The following PAM variants were observed in gnomAD, a reference collection of about 807,000 sequenced individuals.
The protein encoded by PAM is peptidylglycine alpha-amidating monooxygenase.
PAM carries 72 observed loss-of-function variants against 122.1 expected under a neutral mutation model. That is an observed-to-expected ratio of 0.59 (90% CI 0.49 to 0.72). PAM has a LOEUF of 0.72. Ranked by LOEUF, PAM falls within the 30% of genes least tolerant of loss-of-function variation. PAM has a pLI of 0.00. For missense variants in PAM, 1,106 were observed against 1,183.7 expected (o/e 0.93, Z 0.96); for synonymous variants, 389 against 404.4 (o/e 0.96, Z 0.46).
chr5:102,878,665 T>C (rs1789963132), intron 3 of PAM, among the ~76,000 whole-genome samples: 1 of 152,094 alleles, frequency 6.6e-6, no homozygotes, highest in South Asian at 2.1e-4. Context: ...TATTAAATAA[T>C]CTTGACCTGT....
chr5:102,814,995 G>A (rs1769298621), intron 1 of PAM, among the ~76,000 whole-genome samples: 1 of 151,876 alleles, frequency 6.6e-6, no homozygotes, highest in South Asian at 2.1e-4. Flanking sequence ...ACAATGAGCT[G>A]TTCTAAACCT....
At chr5:102,965,084 C>T (rs1221135847) in intron 14 of PAM, among the ~76,000 whole-genome samples, 5 of 151,034 alleles carry the variant, frequency 3.3e-5, no homozygotes, top group Admixed American at 2.7e-4. Flanking sequence ...CTCAATTAGG[C>T]AGTGATTCTG....
intron 8 of PAM, 25 bp downstream of exon 8, chr5:102,946,910 G>C (rs986802424): frequency 6.6e-7 from 1 of 1,515,640 alleles, no homozygotes; most frequent in East Asian, 2.3e-5. Context: ...TTTTCCTAGA[G>C]GAGCAGCAAC....
In PAM at chr5:102,924,289, C is replaced by T. The variant is rs533560856; in HGVS notation, c.357-668C>T. On this transcript the variant is annotated intron_variant, in intron 5 of 25. Transcript: ENST00000438793. ...TCTACTAAAAATACAAAAAATTAGC[C>T]GGGCATGGTGGTGGGCACCTGTAAT... Among the ~76,000 whole-genome samples the T allele has an allele frequency of 2.6e-5, 4 of 151,754 alleles. No individual in the cohort carries two copies. The East Asian group carries it at 7.8e-4, about 30-fold the overall frequency.
At chr5:102,782,197 A>G (rs1308767592) in intron 1 of PAM, among the ~76,000 whole-genome samples, 1 of 152,234 alleles carries the variant, frequency 6.6e-6, no homozygotes, top group African/African-American at 2.4e-5. Context: ...CACTTCTCCA[A>G]CATTTACACC....
At chr5:102,859,701 CCACT>C (rs1783612530) in intron 1 of PAM, among the ~76,000 whole-genome samples, 1 of 152,152 alleles carries the variant, frequency 6.6e-6, no homozygotes, top group South Asian at 2.1e-4. Flanking sequence ...CTCTCACTCA[CCACT>C]CACTCACTCA....
chr5:102,771,030 T>C (rs954407572), intron 1 of PAM, among the ~76,000 whole-genome samples: 1 of 152,136 alleles, frequency 6.6e-6, no homozygotes. Flanking sequence ...TTAAACCTGC[T>C]GTTACAGCAT....
At chr5:102,857,663 G>T (rs1334209082) in intron 1 of PAM, among the ~76,000 whole-genome samples, 2 of 152,158 alleles carry the variant, frequency 1.3e-5, no homozygotes, top group African/African-American at 4.8e-5. Context: ...GGTACCATGG[G>T]CATGTTACCA....
chr5:103,007,096 TA>T, intron 19 of PAM, 85 bp downstream of exon 19: 1 of 1,005,118 alleles, frequency 9.9e-7, no homozygotes, highest in South Asian at 1.6e-5. Context: ...TCACATTCTT[TA>T]AGCTGTAATT....
intron 14 of PAM, among the ~76,000 whole-genome samples, chr5:102,973,509 G>A (rs1017311302): frequency 1.3e-5 from 2 of 152,026 alleles, no homozygotes; most frequent in Non-Finnish European, 2.9e-5. Context: ...AGTATCCTTT[G>A]CTCAAAAAAT....
At chr5:102,808,595 G>A (rs985150107) in intron 1 of PAM, among the ~76,000 whole-genome samples, 6 of 152,204 alleles carry the variant, frequency 3.9e-5, no homozygotes, top group African/African-American at 1.4e-4. Flanking sequence ...AAGTGTGTAA[G>A]TATATTGTAT....
chr5:102,990,304 G>C lies in PAM; in HGVS notation c.1516G>C (p.Gly506Arg), dbSNP rs760011165. The C allele has an allele frequency of 5.6e-6, 9 of 1,604,538 alleles. No individual in the cohort carries two copies. In the Admixed American group the frequency reaches 1.5e-4, roughly 27 times the overall value. ...FHMEEALDWP[G>R]VYLLPGQVSG... Reference sequence around the variant, plus strand: ...CATGGAAGAGGCACTGGATTGGCCTGGAGTATACTTGTTACCAGGCCAGGT... The same window carrying C: ...CATGGAAGAGGCACTGGATTGGCCTCGAGTATACTTGTTACCAGGCCAGGT... Residue 506 changes from glycine to arginine, a missense_variant, in exon 16 of 26, where the codon GGA (glycine) becomes CGA (arginine). Around this residue, in one of 3 missense-constraint regions of PAM, gnomAD observed 670 missense variants for 690.3 expected, o/e 0.97. Coordinates refer to ENST00000438793, the MANE Select transcript of PAM (RefSeq NM_001177306.2).
At chr5:102,966,326 CAGTT>C (rs902049348) in intron 14 of PAM, among the ~76,000 whole-genome samples, 1 of 152,106 alleles carries the variant, frequency 6.6e-6, no homozygotes, top group Non-Finnish European at 1.5e-5. Flanking sequence ...ATTTATCACA[CAGTT>C]AGGCTTTCCA....
chr5:102,966,599 C>G (rs1764152889), intron 14 of PAM, among the ~76,000 whole-genome samples: 1 of 151,972 alleles, frequency 6.6e-6, no homozygotes. Flanking sequence ...ATCAATAAAC[C>G]AAATTGACTT....
chr5:102,956,230 A>G (rs1418499971), intron 12 of PAM, among the ~76,000 whole-genome samples: 1 of 152,106 alleles, frequency 6.6e-6, no homozygotes, highest in East Asian at 1.9e-4. Flanking sequence ...ACACATTTAT[A>G]TGTGTATCAA....
chr5:102,949,424 A>G (rs1758047517), intron 9 of PAM, 113 bp from the exon 10 acceptor site: 2 of 724,940 alleles, frequency 2.8e-6, no homozygotes, highest in Non-Finnish European at 2.5e-6. Context: ...TTTAAGTCAT[A>G]AGAAAACCTC....
intron 16 of PAM, among the ~76,000 whole-genome samples, chr5:102,997,068 G>T (rs1775912544): frequency 6.6e-6 from 1 of 152,080 alleles, no homozygotes; most frequent in African/African-American, 2.4e-5. Flanking sequence ...TAATCATAAA[G>T]CTATGGAAAA....
chr5:102,893,945 C>T (rs1449420557), intron 3 of PAM, among the ~76,000 whole-genome samples: 5 of 151,678 alleles, frequency 3.3e-5, no homozygotes, highest in East Asian at 3.9e-4. Flanking sequence ...CGGTTTTTGT[C>T]GCTGTTTTTA....
chr5:102,841,244 T>C (rs969883867), intron 1 of PAM, among the ~76,000 whole-genome samples: 1 of 152,192 alleles, frequency 6.6e-6, no homozygotes, highest in Non-Finnish European at 1.5e-5. Flanking sequence ...AATTGCTGGG[T>C]TACTACTATC....
Sources: allele counts gnomAD v4.1 joint callset (sites outside exome capture counted in the v4.1 genomes callset), GRCh38; gene constraint gnomAD v4.1.1; regional missense constraint gnomAD v4.1.1; transcripts MANE v1.5; gene names NCBI Gene and HGNC (gene_info 2026-07-23, HGNC 2026-07-21).